Variants in RC3H2 observed in about 807,000 individuals in gnomAD.
The protein encoded by RC3H2 is ring finger and CCCH-type domains 2, also known as roquin-2.
Under a neutral mutation model 133.3 loss-of-function variants are expected in RC3H2, and 31 were observed. That is an observed-to-expected ratio of 0.23 (90% CI 0.17 to 0.31). RC3H2 has a LOEUF of 0.31. Ranked by LOEUF, RC3H2 falls within the 10% of genes least tolerant of loss-of-function variation. The pLI, the probability that RC3H2 is intolerant of heterozygous loss-of-function variation, is 1.00. For missense variants in RC3H2, 1,175 were observed against 1,437.2 expected, an observed-to-expected ratio of 0.82 and a Z score of 2.95; for synonymous variants, 517 against 502.2, an observed-to-expected ratio of 1.03 and a Z score of -0.40.
intron 9 of RC3H2, among the ~76,000 whole-genome samples, chr9:122,867,593 G>A (rs1381609270): frequency 6.5e-5 from 8 of 122,558 alleles, no homozygotes; most frequent in Non-Finnish European, 1.1e-4. Context: ...GCGTCTGCCC[G>A]GCCGCCATCC....
At chr9:122,855,466 C>G in intron 14 of RC3H2, 69 bp from the exon 15 acceptor site, 3 of 1,405,820 alleles carry the variant, frequency 2.1e-6, no homozygotes, top group Non-Finnish European at 3.0e-6. Context: ...TATATGCTAT[C>G]AAAAGACATG....
chr9:122,890,181 A>G, intron 4 of RC3H2, 131 bp downstream of exon 4: 1 of 726,248 alleles, frequency 1.4e-6, no homozygotes, highest in East Asian at 2.7e-5. Context: ...ACAAAAACAA[A>G]TTTATCTTTA....
intron 8 of RC3H2, among the ~76,000 whole-genome samples, chr9:122,878,043 C>T (rs898714741): frequency 6.6e-6 from 1 of 152,124 alleles, no homozygotes; most frequent in Non-Finnish European, 1.5e-5. Flanking sequence ...GGGTGCAACT[C>T]TCAGGCTTAA....
chr9:122,874,147 A>G (rs1273352309), intron 9 of RC3H2: 1 of 152,222 alleles, frequency 6.6e-6, no homozygotes, highest in Non-Finnish European at 1.5e-5. Context: ...TACAATATGG[A>G]ATAAACAATA....
Position 122,859,033 on chromosome 9 carries a change from T to C in RC3H2, c.1919A>G (p.Asn640Ser), listed in dbSNP as rs200430732. 29 of 1,612,356 alleles carry C rather than the reference T, an allele frequency of 1.8e-5. No individual in the cohort carries two copies. The highest frequency in any genetic ancestry group is 1.7e-4 in the Middle Eastern group (1 of 6,054). ...APCVPRFVRS[N>S]NVPESSLPPA... is the part of the protein sequence containing the mutation. ...TGGGAGGGAGGACTCTGGAACGTTA[T>C]TGGACCTCACAAAGCGAGGAACACA... Residue 640 changes from asparagine to serine, a missense_variant, in exon 12 of 21, where the codon AAT becomes AGT. This residue lies in a region of RC3H2 where 490 missense variants were observed against 492.8 expected (regional missense o/e 0.99). Transcript: ENST00000357244.
At chr9:122,875,976 G>A (rs1831316032) in intron 9 of RC3H2, among the ~76,000 whole-genome samples, 2 of 152,136 alleles carry the variant, frequency 1.3e-5, no homozygotes, top group Admixed American at 1.3e-4. Flanking sequence ...AAATATTTCT[G>A]TTTTAAGGGA....
Position 122,865,329 on chromosome 9 carries a change from C to T in RC3H2, c.1634+20G>A. 1.9e-6 allele frequency: 3 copies of T among 1,564,038 alleles called. No homozygotes were observed. In the South Asian group the frequency reaches 3.5e-5, roughly 18 times the overall value. On this transcript the variant is annotated intron_variant, in intron 10 of 20. Coordinates refer to ENST00000357244, the MANE Select transcript of RC3H2 (RefSeq NM_001100588.3). Reference sequence around the variant, plus strand: ...AAAAGGAAAAAGAATTTCCAGTAATCATTTTTACCTAATACCTACTTTTCA... The same window carrying T: ...AAAAGGAAAAAGAATTTCCAGTAATTATTTTTACCTAATACCTACTTTTCA...
Position 122,892,979 on chromosome 9 carries a change from T to G in RC3H2, c.279A>C (p.Lys93Asn). The G allele has an allele frequency of 6.2e-7, 1 of 1,612,752 alleles. No individual in the cohort carries two copies. The highest frequency in any genetic ancestry group is 1.1e-5 in the South Asian group (1 of 91,048). The stretch of plus-strand genomic sequence containing the variant: ...CGCATTTCTTTGCAACCTCATAGTG[T>G]TTATTCTCACCTAGATTACTTAACT... ...SIKLSNLGENKHYEVAKKCVE... is the reference protein window; with the variant it reads ...SIKLSNLGENNHYEVAKKCVE... The change falls in exon 3 of 21, where the codon AAA (lysine) becomes AAC (asparagine). Residue 93 changes from lysine to asparagine, a missense_variant. Lys to Asn is a moderately conservative substitution (Grantham distance 94). Coordinates refer to ENST00000357244, the MANE Select transcript of RC3H2 (RefSeq NM_001100588.3).
At chr9:122,880,888 T>G (rs189005668) in intron 5 of RC3H2, 94 bp from the exon 6 acceptor site, 40 of 830,176 alleles carry the variant, frequency 4.8e-5, no homozygotes, top group African/African-American at 1.4e-4. Context: ...TGGGGGATAC[T>G]TACATATCAG....
rs1440590160 is a variant in RC3H2, at chr9:122,855,289, T to C, written c.2710A>G (p.Lys904Glu). 6.2e-7 allele frequency: 1 copy of C among 1,614,140 alleles called. No homozygotes were observed. The highest frequency in any genetic ancestry group is 1.7e-5 in the Admixed American group (1 of 60,024). Reference protein sequence around the residue: ...IPFSDGPIISKWGAISRSSRT... With the variant: ...IPFSDGPIISEWGAISRSSRT... ...GAAGATCTGGAAATCGCACCCCATT[T>C]TGAGATGATGGGTCCATCACTAAAG... Residue 904 changes from lysine to glutamate, a missense_variant, in exon 15 of 21, where the codon AAA becomes GAA. Lys to Glu is a moderately conservative substitution (Grantham distance 56). Transcript: ENST00000357244.
At chr9:122,890,183 T>G in intron 4 of RC3H2, 129 bp downstream of exon 4, 1 of 724,186 alleles carries the variant, frequency 1.4e-6, no homozygotes, top group Non-Finnish European at 2.3e-6. Flanking sequence ...AAAAACAAAT[T>G]TATCTTTAAT....
In RC3H2 at chr9:122,867,424, C is replaced by T. The variant is rs571075738; in HGVS notation, c.1326-1767G>A. On this transcript the variant is annotated intron_variant, in intron 9 of 20. Coordinates refer to ENST00000357244, the MANE Select transcript of RC3H2 (RefSeq NM_001100588.3). ...GAGGGAGGTTGGGGGGTCAGCACCC[C>T]GCCCGGCCAGCCACCCCGTCCAGGA... is the stretch of plus-strand genomic sequence containing the variant. Among the ~76,000 whole-genome samples, 5 of 147,500 alleles carry T rather than the reference C, an allele frequency of 3.4e-5. No homozygotes were observed. In the East Asian group the frequency reaches 6.0e-4, roughly 18 times the overall value.
chr9:122,897,236 G>A (rs374443328), intron 2 of RC3H2, 43 bp downstream of exon 2: 17 of 1,574,284 alleles, frequency 1.1e-5, no homozygotes, highest in Admixed American at 5.1e-5. Context: ...CAAAAATAGT[G>A]ATTATTTTTG....
intron 18 of RC3H2, 50 bp downstream of exon 18, chr9:122,853,902 G>A: frequency 6.2e-7 from 1 of 1,614,186 alleles, no homozygotes. Flanking sequence ...AGATGCAGCA[G>A]CAGAAAACAA....
rs1433764252 is a variant in RC3H2, at chr9:122,877,529, C to T, written c.1267G>A (p.Gly423Arg). The T allele has an allele frequency of 1.2e-6, 2 of 1,614,094 alleles. No homozygotes were observed. The highest frequency in any genetic ancestry group is 1.7e-6 in the Non-Finnish European group (2 of 1,180,020). ...CAATTTGTTCCTCGTGGACAACCCC[C>T]TTGCTGTCGCAAATCTCGGCACATG... ...TSMCRDLRQQ[G>R]GCPRGTNCTF... Residue 423 changes from glycine to arginine, a missense_variant, in exon 9 of 21, where the codon GGG becomes AGG. Transcript: ENST00000357244.
chr9:122,890,999 C>G (rs1363709130), intron 3 of RC3H2, among the ~76,000 whole-genome samples: 1 of 148,574 alleles, frequency 6.7e-6, no homozygotes, highest in Non-Finnish European at 1.5e-5. Flanking sequence ...GCTTCCCCTA[C>G]CAAATCTGCC....
Position 122,899,090 on chromosome 9 carries a change from G to GGTTTTTTTTTTTTTTTTTTTTTT in RC3H2, c.-67-1515_-67-1514insAAAAAAAAAAAAAAAAAAAAAAC, listed in dbSNP as rs1564322863. On this transcript the variant is annotated intron_variant, in intron 1 of 20. Transcript: ENST00000357244. Reference sequence around the variant, plus strand: ...AAAAAATTCTATTAGCCTTTATTGTGTTTTTTTTTTTTTTTTTTTTTTTTT... The same window carrying GGTTTTTTTTTTTTTTTTTTTTTT: ...AAAAAATTCTATTAGCCTTTATTGTGGTTTTTTTTTTTTTTTTTTTTTTTTTTTTTTTTTTTTTTTTTTTTTTT... Among the ~76,000 whole-genome samples the GGTTTTTTTTTTTTTTTTTTTTTT allele has an allele frequency of 2.5e-4, 22 of 88,410 alleles. 9 individuals are homozygous for GGTTTTTTTTTTTTTTTTTTTTTT. The highest frequency in any genetic ancestry group is 2.0e-4 in the Non-Finnish European group (10 of 49,386). 58.0% of individuals were successfully genotyped at this position (88,410 alleles called of 152,430 possible).
Position 122,893,039 on chromosome 9 carries a change from A to C in RC3H2, c.232-13T>G. On this transcript the variant is annotated splice_polypyrimidine_tract_variant and intron_variant, in intron 2 of 20. Transcript: ENST00000357244. Reference sequence around the variant, plus strand: ...GATGATCTGGTACCTTAAAAAAAAAAAAAAAGGAATATTGCAGAAATACAT... The same window carrying C: ...GATGATCTGGTACCTTAAAAAAAAACAAAAAGGAATATTGCAGAAATACAT... The C allele has an allele frequency of 6.3e-7, 1 of 1,597,356 alleles. No individual in the cohort carries two copies. Among genetic ancestry groups the C allele is most frequent in the Non-Finnish European group, 8.5e-7 (1 of 1,176,550 alleles).
chr9:122,883,135 G>T, intron 5 of RC3H2, 69 bp downstream of exon 5: 1 of 1,445,810 alleles, frequency 6.9e-7, no homozygotes, highest in Non-Finnish European at 9.5e-7. Flanking sequence ...TCTAGACTGG[G>T]TAACATGAAT....
Sources: allele counts gnomAD v4.1 joint callset (sites outside exome capture counted in the v4.1 genomes callset), GRCh38; gene constraint gnomAD v4.1.1; regional missense constraint gnomAD v4.1.1; transcripts MANE v1.5; gene names NCBI Gene and HGNC (gene_info 2026-07-23, HGNC 2026-07-21).